AATK: variants seen among roughly 807,000 people sequenced by gnomAD.
The protein encoded by AATK is lemur tail kinase 1.
In AATK, 91 loss-of-function variants were observed where a neutral mutation model predicts 114.3. The observed-to-expected ratio is 0.80, with a 90% CI of 0.67 to 0.95. AATK has a LOEUF of 0.95. Ranked by LOEUF, AATK falls within the 40% of genes least tolerant of loss-of-function variation. The pLI is 0.00. For missense variants in AATK, 2,176 were observed against 1,965.2 expected (o/e 1.11, Z -2.03); for synonymous variants, 1,075 against 916.5 (o/e 1.17, Z -3.12).
intron 1 of AATK, among the ~76,000 whole-genome samples, chr17:81,161,238 C>T (rs974946372): frequency 6.6e-6 from 1 of 152,170 alleles, no homozygotes; most frequent in African/African-American, 2.4e-5. Flanking sequence ...GGGCCACTCC[C>T]TCGAGGCGCT....
At chr17:81,138,765 C>T (rs2061073082) in intron 1 of AATK, among the ~76,000 whole-genome samples, 1 of 148,126 alleles carries the variant, frequency 6.8e-6, no homozygotes, top group African/African-American at 2.5e-5. Flanking sequence ...GCATGCACAC[C>T]CACATGCACG....
At chr17:81,132,536 C>T in intron 2 of AATK, 1 of 175,002 alleles carries the variant, frequency 5.7e-6, no homozygotes, top group South Asian at 9.0e-5. Context: ...ACCCCAGAAG[C>T]CCCCTCTTGG....
At chr17:81,155,389 TA>T (rs1689616227) in intron 1 of AATK, among the ~76,000 whole-genome samples, 1 of 111,526 alleles carries the variant, frequency 9.0e-6, no homozygotes, top group Non-Finnish European at 1.9e-5. Flanking sequence ...CTATTATTAT[TA>T]TTATTATTAT....
rs2060774900 is a variant in AATK, at chr17:81,124,804, G to A, written c.885C>T (p.Arg295=). 1.2e-6 allele frequency: 2 copies of A among 1,612,680 alleles called. No individual in the cohort carries two copies. The highest frequency in any genetic ancestry group is 4.5e-5 in the East Asian group (2 of 44,880). The part of the protein sequence containing the change: ...VTADQLWVPL[R]WIAPELVDEV... ...CGTCCACCAGCTCTGGCGCGATCCA[G>A]CGCAGAGGCACCCACAGCTGGTCGG... The change falls in exon 9 of 14, where the codon CGC becomes CGT. Residue 295 remains arginine (R), a synonymous_variant. Transcript: ENST00000326724.
chr17:81,118,066 G>A lies in AATK; in HGVS notation c.*336C>T. On this transcript the variant is annotated 3_prime_UTR_variant, in exon 14 of 14. Coordinates refer to ENST00000326724, the MANE Select transcript of AATK (RefSeq NM_001080395.3). ...CGGGTCCTCCGAGGCCAGGCAGGCAGGGCAGAGGGTGGGGGCCGCCGTGCC... is the reference window on the plus strand; with the variant it reads ...CGGGTCCTCCGAGGCCAGGCAGGCAAGGCAGAGGGTGGGGGCCGCCGTGCC... The A allele has an allele frequency of 3.6e-6, 1 of 276,672 alleles. No individual in the cohort carries two copies. Among genetic ancestry groups the A allele is most frequent in the South Asian group, 8.0e-5 (1 of 12,528 alleles). The allele number at this position is 276,672 out of a possible 1,614,324, so 17.1% of individuals were successfully genotyped here. A position where few individuals can be genotyped will look rare whatever the true frequency, so the allele number is the denominator to read the frequency against.
intron 1 of AATK, among the ~76,000 whole-genome samples, chr17:81,159,041 C>T (rs901559716): frequency 2.0e-5 from 3 of 152,182 alleles, no homozygotes; most frequent in African/African-American, 4.8e-5. Flanking sequence ...CGAGACAGAT[C>T]GGTGGCTGCC....
At chr17:81,137,707 G>A (rs74002067) in intron 1 of AATK, among the ~76,000 whole-genome samples, 3,943 of 152,158 alleles carry the variant, frequency 0.026, 139 homozygotes, top group African/African-American at 0.078. Flanking sequence ...AAACACACAT[G>A]CACACACACC....
At position 81,120,667 on chromosome 17, in the gene AATK, C is replaced by G. The variant is rs964151994; in HGVS notation, c.3269G>C (p.Arg1090Pro). 3 of 1,518,178 alleles carry G rather than the reference C, an allele frequency of 2.0e-6. No homozygotes were observed. Among genetic ancestry groups the G allele is most frequent in the Admixed American group, 2.3e-5 (1 of 44,330 alleles). 94.0% of individuals were successfully genotyped at this position (1,518,178 alleles called of 1,614,324 possible). A position where few individuals can be genotyped will look rare whatever the true frequency, so the allele number is the denominator to read the frequency against. ...PPEPQGPAKVRPGPSPSCSQF... is the reference protein window; with the variant it reads ...PPEPQGPAKVPPGPSPSCSQF... ...GGAGCAGCTGGGGCTGGGCCCAGGC[C>G]GCACCTTGGCTGGGCCTTGGGGCTC... The change falls in exon 11 of 14, where the codon CGG becomes CCG. Residue 1090 changes from arginine to proline, a missense_variant. Physicochemically the swap from Arg to Pro is moderately radical, Grantham distance 103. This residue lies in a region of AATK where 1,701 missense variants were observed against 1,394.7 expected (regional missense o/e 1.22). Transcript: ENST00000326724.
chr17:81,146,431 C>T (rs575008340), intron 1 of AATK, among the ~76,000 whole-genome samples: 129 of 151,376 alleles, frequency 8.5e-4, no homozygotes, highest in Non-Finnish European at 1.6e-3. Context: ...AATTGCCCAA[C>T]CCGGCAGGGC....
intron 13 of AATK, among the ~76,000 whole-genome samples, 190 bp from the exon 14 acceptor site, chr17:81,118,632 C>T (rs2060606414): frequency 6.6e-6 from 1 of 152,232 alleles, no homozygotes; most frequent in Non-Finnish European, 1.5e-5. Context: ...AGGCCAACAA[C>T]TCTCAGCAAA....
At chr17:81,150,593 C>A (rs889357564) in intron 1 of AATK, among the ~76,000 whole-genome samples, 1 of 152,130 alleles carries the variant, frequency 6.6e-6, no homozygotes, top group Non-Finnish European at 1.5e-5. Flanking sequence ...CCTATCACAG[C>A]CAGAACCCTC....
chr17:81,143,954 G>C (rs1357672575), intron 1 of AATK, among the ~76,000 whole-genome samples: 1 of 152,234 alleles, frequency 6.6e-6, no homozygotes, highest in African/African-American at 2.4e-5. Flanking sequence ...GGTGCACCCA[G>C]GGTGAGCACG....
intron 2 of AATK, among the ~76,000 whole-genome samples, chr17:81,132,146 T>C (rs2060943187): frequency 6.6e-6 from 1 of 152,204 alleles, no homozygotes; most frequent in African/African-American, 2.4e-5. Context: ...TGAAAGCAAT[T>C]GCTCCAGGCA....
intron 1 of AATK, among the ~76,000 whole-genome samples, chr17:81,158,791 C>A (rs150628325): frequency 6.6e-6 from 1 of 152,178 alleles, no homozygotes; most frequent in African/African-American, 2.4e-5. Context: ...CGAGCCCGGG[C>A]GTTATAAAAA....
In AATK at chr17:81,117,713, C is replaced by T. The variant is rs1419881357; in HGVS notation, c.*689G>A. The T allele has an allele frequency of 3.3e-5, 5 of 152,334 alleles. No individual in the cohort carries two copies. The highest frequency in any genetic ancestry group is 7.3e-5 in the Non-Finnish European group (5 of 68,098). The allele number at this position is 152,334 out of a possible 1,614,324, so 9.4% of individuals were successfully genotyped here. A position where few individuals can be genotyped will look rare whatever the true frequency, so the allele number is the denominator to read the frequency against. ...CGGGGCAGGAGTACAGCCTGGAAGC[C>T]CCTCCACCCCTGATCTTTTGGGCTG... On this transcript the variant is annotated 3_prime_UTR_variant, in exon 14 of 14. Coordinates refer to ENST00000326724, the MANE Select transcript of AATK (RefSeq NM_001080395.3).
chr17:81,141,917 C>CTCCTTCCTTCCT (rs72007585), intron 1 of AATK, among the ~76,000 whole-genome samples: 7 of 132,244 alleles, frequency 5.3e-5, no homozygotes, highest in Middle Eastern at 3.8e-3. Context: ...CTTTCTCCCT[C>CTCCTTCCTTCCT]TCCTTCCTTC....
intron 1 of AATK, among the ~76,000 whole-genome samples, chr17:81,150,305 C>A (rs939800835): frequency 6.6e-6 from 1 of 151,862 alleles, no homozygotes; most frequent in African/African-American, 2.4e-5. Flanking sequence ...GTTTGACATC[C>A]CTCTGTCAAC....
At position 81,126,503 on chromosome 17, in the gene AATK, G is replaced by T. The variant is rs757869387; in HGVS notation, c.679C>A (p.Pro227Thr). 3 of 1,551,440 alleles carry T rather than the reference G, an allele frequency of 1.9e-6. No individual in the cohort carries two copies. The highest frequency in any genetic ancestry group is 2.4e-5 in the South Asian group (2 of 84,160). ...CRVAESMAPD[P>T]RTLQRMACEV... ...CAGGCCATGCGCTGCAGGGTCCGGGGGTCGGGAGCCATGGACTCCGCCACC... is the reference window on the plus strand; with the variant it reads ...CAGGCCATGCGCTGCAGGGTCCGGGTGTCGGGAGCCATGGACTCCGCCACC... The change falls in exon 7 of 14, where the codon CCC (proline) becomes ACC (threonine). Residue 227 changes from proline to threonine, a missense_variant. By Grantham distance (38) the Pro-to-Thr change is conservative. Transcript: ENST00000326724. The surrounding 1 kb of genome is among the most constrained non-coding windows in gnomAD (Gnocchi z 5.1).
chr17:81,133,916 C>T (rs1331612785), intron 2 of AATK, among the ~76,000 whole-genome samples: 3 of 152,264 alleles, frequency 2.0e-5, no homozygotes, highest in South Asian at 2.1e-4. Flanking sequence ...GTCCCTGTGC[C>T]GGGAAGCTTG....
Sources: gnomAD v4.1 joint callset for allele counts (sites outside exome capture counted in the v4.1 genomes callset) on GRCh38, gnomAD v4.1.1 for gene constraint, gnomAD v4.1.1 regional missense constraint, Gnocchi (gnomAD v3.1) non-coding constraint, MANE v1.5 for transcripts, NCBI Gene and HGNC (gene_info 2026-07-23, HGNC 2026-07-21) for gene names.